Variants in PCDHA7 observed in about 807,000 individuals in gnomAD.
PCDHA7 encodes protocadherin alpha-7.
Under a neutral mutation model 57.2 loss-of-function variants are expected in PCDHA7, and 37 were observed. The observed-to-expected ratio is 0.65, with a 90% CI of 0.50 to 0.85. The LOEUF is 0.85. Among genes scored for constraint, PCDHA7 ranks in the 40% least tolerant of loss-of-function variants. The probability of loss-of-function intolerance (pLI) is 0.00; values close to 1 mark genes in which losing one functional copy is unlikely to be tolerated. For missense variants in PCDHA7, 1,188 were observed against 1,241.8 expected (o/e 0.96, Z 0.65); for synonymous variants, 553 against 558.8 (o/e 0.99, Z 0.15).
At chr5:140,968,673 A>G in intron 1 of PCDHA7, 2 of 1,614,168 alleles carry the variant, frequency 1.2e-6, no homozygotes, top group Non-Finnish European at 1.7e-6. Context: ...TTTAAGGTAG[A>G]GCTGCACACA....
chr5:140,924,915 AT>A (rs1554202358), intron 1 of PCDHA7, among the ~76,000 whole-genome samples: 19 of 127,348 alleles, frequency 1.5e-4, no homozygotes, highest in African/African-American at 5.1e-4. Context: ...ATAAAATAAA[AT>A]AAAATAAAAT....
intron 3 of PCDHA7, among the ~76,000 whole-genome samples, chr5:140,998,715 C>T (rs535565356): frequency 2.6e-5 from 4 of 152,236 alleles, no homozygotes; most frequent in African/African-American, 9.6e-5. Flanking sequence ...CAAGCTTGCA[C>T]CACCACGCTA....
At chr5:140,843,564 G>A in intron 1 of PCDHA7, 1 of 1,595,922 alleles carries the variant, frequency 6.3e-7, no homozygotes, top group Non-Finnish European at 8.6e-7. Flanking sequence ...GTGGGGAGCT[G>A]GTCATACTCG....
intron 1 of PCDHA7, chr5:140,878,103 GA>G (rs748975221): frequency 2.9e-4 from 75 of 261,846 alleles, no homozygotes; most frequent in African/African-American, 1.3e-3. Context: ...GATGAACCTT[GA>G]AAAAAACAGT....
chr5:140,860,740 T>G (rs934240513), intron 1 of PCDHA7: 1 of 152,266 alleles, frequency 6.6e-6, no homozygotes, highest in Non-Finnish European at 1.5e-5. Context: ...TTTTGTTTTT[T>G]ATTTTTTATT....
At chr5:140,926,692 C>T in intron 1 of PCDHA7, 1 of 737,896 alleles carries the variant, frequency 1.4e-6, no homozygotes, top group Non-Finnish European at 2.0e-6. Context: ...CCTAGCAAGC[C>T]CGGCTCCCAG....
At chr5:140,848,733 C>T (rs2150418952) in intron 1 of PCDHA7, 1 of 1,592,812 alleles carries the variant, frequency 6.3e-7, no homozygotes, top group East Asian at 2.2e-5. Context: ...GGTAAATCTG[C>T]AGAATGGCAT....
intron 1 of PCDHA7, chr5:140,884,825 T>C (rs543714024): frequency 1.0e-6 from 1 of 967,424 alleles, no homozygotes; most frequent in Non-Finnish European, 1.5e-6. Flanking sequence ...CATTATGTGT[T>C]GGATTATCCT....
At position 140,967,486 on chromosome 5, in the gene PCDHA7, G is replaced by A. The variant is rs782309199; in HGVS notation, c.2356-11463G>A. The A allele has an allele frequency of 2.5e-6, 4 of 1,612,986 alleles. No individual in the cohort carries two copies. The African/African-American group carries it at 4.0e-5, about 16-fold the overall frequency. ...GGGGCATCCCAGCCCGCTCGGGTAC[G>A]GCACAGATCTCTGTGCGTGTCCTGG... On this transcript the variant is annotated intron_variant, in intron 1 of 3. Coordinates refer to ENST00000525929, the MANE Select transcript of PCDHA7 (RefSeq NM_018910.3).
intron 1 of PCDHA7, among the ~76,000 whole-genome samples, chr5:140,903,708 T>C (rs1460220411): frequency 1.3e-5 from 2 of 152,212 alleles, no homozygotes; most frequent in Non-Finnish European, 2.9e-5. Context: ...AGTAATAAAA[T>C]ATACAATTCT....
At chr5:140,976,143 A>G (rs2096703250) in intron 1 of PCDHA7, among the ~76,000 whole-genome samples, 1 of 152,236 alleles carries the variant, frequency 6.6e-6, no homozygotes, top group South Asian at 2.1e-4. Flanking sequence ...GATGAAACTC[A>G]TGTACATTTT....
rs782564165 is a variant in PCDHA7, at chr5:141,010,450, G to A, written c.*513G>A. ...AAGAAAACAAAGACAAATAAACAGC[G>A]GAAGTTATCAGTATGGAGGGGAAGT... On this transcript the variant is annotated 3_prime_UTR_variant, in exon 4 of 4. Transcript: ENST00000525929. The A allele has an allele frequency of 6.5e-6, 6 of 920,764 alleles. No individual in the cohort carries two copies. The East Asian group carries it at 8.2e-5, about 13-fold the overall frequency. 57.0% of individuals were successfully genotyped at this position (920,764 alleles called of 1,614,324 possible).
rs1299546647 is a variant in PCDHA7 at position 140,935,314 on chromosome 5, A to T, written c.2356-43635A>T. 2.0e-5 allele frequency among the ~76,000 whole-genome samples: 3 copies of T among 152,208 alleles called. No homozygotes were observed. In the East Asian group the frequency reaches 5.8e-4, roughly 29 times the overall value. ...TCCGAGGTTTTTACTTAACTTCATC[A>T]ATCTTACATTCCTATTTCTCCCATA... On this transcript the variant is annotated intron_variant, in intron 1 of 3. Transcript: ENST00000525929.
chr5:140,849,758 C>T lies in PCDHA7; in HGVS notation c.2355+13020C>T, dbSNP rs150560525. ...TGGACCGCGAGAGTGTGTCCGCCTA[C>T]GAGCTGGTGGTTACCGCGCGGGACG... On this transcript the variant is annotated intron_variant, in intron 1 of 3. Transcript: ENST00000525929. 1.8e-4 allele frequency: 292 copies of T among 1,598,480 alleles called. 14 individuals are homozygous for T. The highest frequency in any genetic ancestry group is 1.6e-3 in the African/African-American group (121 of 74,466).
intron 1 of PCDHA7, among the ~76,000 whole-genome samples, chr5:140,944,781 G>T (rs1404959208): frequency 6.6e-6 from 1 of 152,114 alleles, no homozygotes; most frequent in Non-Finnish European, 1.5e-5. Context: ...TCCTGTTATT[G>T]TATTTTACAA....
chr5:140,895,687 T>G (rs1417809630), intron 1 of PCDHA7, among the ~76,000 whole-genome samples: 2 of 152,184 alleles, frequency 1.3e-5, no homozygotes, highest in African/African-American at 4.8e-5. Flanking sequence ...GTTTTCTGTT[T>G]CTATATTAAT....
At chr5:140,995,342 A>G (rs2097678065) in intron 3 of PCDHA7, among the ~76,000 whole-genome samples, 1 of 152,122 alleles carries the variant, frequency 6.6e-6, no homozygotes, top group African/African-American at 2.4e-5. Flanking sequence ...TGTAGACGGC[A>G]TGGATAGGTC....
chr5:140,972,479 C>G (rs782631191), intron 1 of PCDHA7, among the ~76,000 whole-genome samples: 1 of 151,994 alleles, frequency 6.6e-6, no homozygotes, highest in Non-Finnish European at 1.5e-5. Flanking sequence ...CAGCATTTAA[C>G]CCCAGACTCT....
chr5:140,984,325 G>C (rs2097097043), intron 3 of PCDHA7, among the ~76,000 whole-genome samples: 1 of 152,168 alleles, frequency 6.6e-6, no homozygotes, highest in Admixed American at 6.5e-5. Flanking sequence ...CTAGGCAAAT[G>C]TGGAATAGGA....
Sources: allele counts gnomAD v4.1 joint callset (sites outside exome capture counted in the v4.1 genomes callset), GRCh38; gene constraint gnomAD v4.1.1; transcripts MANE v1.5; gene names NCBI Gene and HGNC (gene_info 2026-07-23, HGNC 2026-07-21).